The following GALNT17 variants were observed in gnomAD, a reference collection of about 807,000 sequenced individuals.
GALNT17 encodes the protein UDP-GalNAc:polypeptide N-acetylgalactosaminyltransferase-like 3.
In GALNT17, 29 loss-of-function variants were observed where a neutral mutation model predicts 63.7. That is an observed-to-expected ratio of 0.46 (90% CI 0.34 to 0.62). GALNT17 has a LOEUF of 0.62. Ranked by LOEUF, GALNT17 falls within the 20% of genes least tolerant of loss-of-function variation. The pLI, the probability that GALNT17 is intolerant of heterozygous loss-of-function variation, is 0.01. For synonymous variants in GALNT17, 305 were observed against 318.3 expected, an observed-to-expected ratio of 0.96 and a Z score of 0.45; for missense variants, 603 against 799.6, an observed-to-expected ratio of 0.75 and a Z score of 2.97.
At chr7:71,561,608 C>T (rs952249120) in intron 5 of GALNT17, among the ~76,000 whole-genome samples, 4 of 152,148 alleles carry the variant, frequency 2.6e-5, no homozygotes, top group African/African-American at 9.7e-5. Context: ...AAAATAGAGT[C>T]AGCCCCTGAT....
chr7:71,568,109 G>A (rs1415717128), intron 5 of GALNT17, among the ~76,000 whole-genome samples: 1 of 152,214 alleles, frequency 6.6e-6, no homozygotes, highest in East Asian at 1.9e-4. Flanking sequence ...TTTGCCCAGG[G>A]AAGCACCTTA....
chr7:71,549,355 C>T (rs1368894338), intron 5 of GALNT17, among the ~76,000 whole-genome samples: 1 of 152,026 alleles, frequency 6.6e-6, no homozygotes, highest in East Asian at 1.9e-4. Context: ...CTTGCTTGAG[C>T]CTAGGAGTTT....
At chr7:71,229,525 G>A (rs767540932) in intron 1 of GALNT17, among the ~76,000 whole-genome samples, 11 of 152,340 alleles carry the variant, frequency 7.2e-5, no homozygotes, top group South Asian at 2.1e-4. Context: ...TAGCCGATGA[G>A]TCTGAAGAGT....
intron 5 of GALNT17, among the ~76,000 whole-genome samples, chr7:71,549,651 A>G (rs550784257): frequency 4.0e-4 from 61 of 152,304 alleles, no homozygotes; most frequent in African/African-American, 1.4e-3. Flanking sequence ...CATTATACCG[A>G]AAGAGTAATT....
intron 1 of GALNT17, among the ~76,000 whole-genome samples, chr7:71,218,603 G>A (rs1310207224): frequency 1.3e-5 from 2 of 152,052 alleles, no homozygotes; most frequent in Admixed American, 6.6e-5. Context: ...TAGGAACCTG[G>A]CCTCACAGCA....
intron 2 of GALNT17, among the ~76,000 whole-genome samples, chr7:71,386,904 C>T (rs1178928798): frequency 6.6e-6 from 1 of 152,118 alleles, no homozygotes; most frequent in East Asian, 1.9e-4. Flanking sequence ...TAGCAGGAAC[C>T]TCTAGTATAA....
intron 5 of GALNT17, among the ~76,000 whole-genome samples, chr7:71,466,978 T>C (rs1787546331): frequency 6.6e-6 from 1 of 152,096 alleles, no homozygotes; most frequent in Non-Finnish European, 1.5e-5. Context: ...CTCCTGAGGC[T>C]GTCACGGGCC....
Position 71,206,744 on chromosome 7 carries a change from A to T in GALNT17, c.238+73704A>T, listed in dbSNP as rs181278201. ...TATTTCTGCGGCTAAAGGAATGCAG[A>T]CCATATCTGGATTCTCCTGTTTTCT... On this transcript the variant is annotated intron_variant, in intron 1 of 10. Transcript: ENST00000333538. 3.3e-5 allele frequency among the ~76,000 whole-genome samples: 5 copies of T among 152,234 alleles called. No homozygotes were observed. In the East Asian group the frequency reaches 7.7e-4, roughly 24 times the overall value.
At chr7:71,234,250 AT>A (rs1789844855) in intron 1 of GALNT17, among the ~76,000 whole-genome samples, 4 of 152,202 alleles carry the variant, frequency 2.6e-5, no homozygotes, top group Admixed American at 2.6e-4. Context: ...AGGACATTGC[AT>A]TTAATTTTAT....
intron 1 of GALNT17, among the ~76,000 whole-genome samples, chr7:71,334,958 T>A (rs1791871822): frequency 6.6e-6 from 1 of 152,174 alleles, no homozygotes; most frequent in South Asian, 2.1e-4. Context: ...TGCTATTTCT[T>A]CTTGCTGTAG....
chr7:71,417,167 T>C (rs986088153), intron 4 of GALNT17, among the ~76,000 whole-genome samples: 7 of 152,338 alleles, frequency 4.6e-5, no homozygotes, highest in Admixed American at 1.3e-4. Flanking sequence ...CTTGAGTAAG[T>C]GTTGTTCACT....
At chr7:71,286,481 T>C (rs1194356281) in intron 1 of GALNT17, among the ~76,000 whole-genome samples, 1 of 152,206 alleles carries the variant, frequency 6.6e-6, no homozygotes, top group Non-Finnish European at 1.5e-5. Flanking sequence ...ACTCCAGCCC[T>C]GTGAGCCAGA....
chr7:71,614,774 C>CAG (rs1554315798), intron 6 of GALNT17, among the ~76,000 whole-genome samples: 9 of 149,148 alleles, frequency 6.0e-5, no homozygotes, highest in African/African-American at 1.7e-4. Flanking sequence ...GAGAAAGAAA[C>CAG]AGAGAAAGAG....
intron 3 of GALNT17, among the ~76,000 whole-genome samples, chr7:71,408,213 C>T (rs778035180): frequency 5.9e-5 from 9 of 151,880 alleles, no homozygotes; most frequent in Non-Finnish European, 1.2e-4. Flanking sequence ...TCATAAGGTC[C>T]CCAGTGATTC....
chr7:71,364,692 A>G (rs1300533541), intron 2 of GALNT17, among the ~76,000 whole-genome samples: 2 of 152,084 alleles, frequency 1.3e-5, no homozygotes, highest in Non-Finnish European at 2.9e-5. Context: ...ATGTCAGGAC[A>G]CTCATTTTGA....
intron 1 of GALNT17, among the ~76,000 whole-genome samples, chr7:71,185,599 C>T (rs1788835769): frequency 6.6e-6 from 1 of 150,542 alleles, no homozygotes; most frequent in African/African-American, 2.5e-5. Context: ...GCTCCGCCTC[C>T]TGGGTTCACG....
chr7:71,700,305 C>CAAA (rs60522666), intron 9 of GALNT17, among the ~76,000 whole-genome samples: 1 of 134,686 alleles, frequency 7.4e-6, no homozygotes, highest in African/African-American at 2.7e-5. Flanking sequence ...GAGACTTTCT[C>CAAA]AAAAAAAAAA....
chr7:71,518,689 G>C (rs527790161), intron 5 of GALNT17, among the ~76,000 whole-genome samples: 1 of 152,124 alleles, frequency 6.6e-6, no homozygotes, highest in Non-Finnish European at 1.5e-5. Flanking sequence ...ATTTCTCCTT[G>C]GGCGGAGGGA....
chr7:71,508,078 A>G (rs1788296004), intron 5 of GALNT17, among the ~76,000 whole-genome samples: 1 of 152,132 alleles, frequency 6.6e-6, no homozygotes, highest in Non-Finnish European at 1.5e-5. Context: ...CCGTAATGAG[A>G]TGGAGGCTGA....
Sources: gnomAD v4.1 joint callset for allele counts (sites outside exome capture counted in the v4.1 genomes callset) on GRCh38, gnomAD v4.1.1 for gene constraint, MANE v1.5 for transcripts, NCBI Gene and HGNC (gene_info 2026-07-23, HGNC 2026-07-21) for gene names.